Variants in ATP8A2 observed in about 807,000 individuals in gnomAD.
ATP8A2 encodes the protein phospholipid-transporting ATPase IB.
A neutral mutation model predicts 165.6 loss-of-function variants in ATP8A2; 100 were observed. The observed-to-expected ratio is 0.60, with a 90% confidence interval of 0.51 to 0.71. The LOEUF is 0.71. Among genes scored for constraint, ATP8A2 ranks in the 30% least tolerant of loss-of-function variants. The pLI is 0.00. For synonymous variants in ATP8A2, 543 were observed against 548.8 expected, an observed-to-expected ratio of 0.99 and a Z score of 0.15; for missense variants, 1,227 against 1,479.5, an observed-to-expected ratio of 0.83 and a Z score of 2.80.
At chr13:25,520,705 C>T (rs887377054) in intron 2 of ATP8A2, among the ~76,000 whole-genome samples, 6 of 151,414 alleles carry the variant, frequency 4.0e-5, no homozygotes, top group Non-Finnish European at 8.8e-5. Flanking sequence ...GGTTCCACAC[C>T]ATTCTCCTGC....
chr13:25,992,822 A>G (rs1387603919), intron 35 of ATP8A2, among the ~76,000 whole-genome samples: 223 of 151,404 alleles, frequency 1.5e-3, no homozygotes, highest in African/African-American at 5.1e-3. Context: ...ATATCTCCCA[A>G]TGCTATCCCT....
intron 1 of ATP8A2, among the ~76,000 whole-genome samples, chr13:25,401,660 G>A (rs1331847466): frequency 6.6e-6 from 1 of 152,020 alleles, no homozygotes; most frequent in Non-Finnish European, 1.5e-5. Flanking sequence ...AGTATTCATG[G>A]GGTGCACATT....
chr13:25,823,761 A>G (rs902878174), intron 27 of ATP8A2, among the ~76,000 whole-genome samples: 2 of 152,144 alleles, frequency 1.3e-5, no homozygotes, highest in African/African-American at 4.8e-5. Flanking sequence ...TTTGTTTCCT[A>G]GGATGAAGGA....
Position 25,589,707 on chromosome 13 carries a change from G to A in ATP8A2, c.2211+8G>A. ...AAGGAGGACTCTTTGGATGTAAGTA[G>A]TTTTTCAAAGTTGTATTTGCTTTGC... On this transcript the variant is annotated splice_region_variant and intron_variant, in intron 24 of 36. Transcript: ENST00000381655. 1 of 1,570,302 alleles carries A rather than the reference G, an allele frequency of 6.4e-7. No individual in the cohort carries two copies.
chr13:25,675,567 C>A lies in ATP8A2; in HGVS notation c.2212-23606C>A, dbSNP rs571779295. ...ATTTTGGGAAATGGGATAACACAACCTTTTCTTGTGAATATCTTTTGTTCT... is the reference window on the plus strand; with the variant it reads ...ATTTTGGGAAATGGGATAACACAACATTTTCTTGTGAATATCTTTTGTTCT... On this transcript the variant is annotated intron_variant, in intron 24 of 36. Transcript: ENST00000381655. 3.9e-5 allele frequency among the ~76,000 whole-genome samples: 6 copies of A among 152,226 alleles called. No homozygotes were observed. In the East Asian group the frequency reaches 1.2e-3, roughly 29 times the overall value.
At chr13:25,575,603 T>A (rs1167967151) in intron 19 of ATP8A2, among the ~76,000 whole-genome samples, 1 of 152,260 alleles carries the variant, frequency 6.6e-6, no homozygotes, top group East Asian at 1.9e-4. Context: ...CTTTATAAAC[T>A]ATTTTTAATA....
chr13:25,660,193 T>C (rs1352522756), intron 24 of ATP8A2, among the ~76,000 whole-genome samples: 1 of 152,210 alleles, frequency 6.6e-6, no homozygotes, highest in Non-Finnish European at 1.5e-5. Context: ...ACCAATTTTA[T>C]ATTTGAATGC....
chr13:25,505,021 C>T (rs530357406), intron 2 of ATP8A2, among the ~76,000 whole-genome samples: 1 of 152,178 alleles, frequency 6.6e-6, no homozygotes, highest in East Asian at 1.9e-4. Context: ...TGCTCTTACC[C>T]ATCTTCCTCT....
intron 25 of ATP8A2, among the ~76,000 whole-genome samples, chr13:25,704,297 A>G (rs986099761): frequency 3.2e-4 from 47 of 148,770 alleles, no homozygotes; most frequent in Non-Finnish European, 6.2e-4. Context: ...GTGGCCCCTC[A>G]CTTCAGCTCC....
At chr13:25,661,907 A>G (rs2042059050) in intron 24 of ATP8A2, among the ~76,000 whole-genome samples, 1 of 152,226 alleles carries the variant, frequency 6.6e-6, no homozygotes, top group Admixed American at 6.5e-5. Context: ...GAAATCATTC[A>G]TTTAGAGATG....
intron 27 of ATP8A2, among the ~76,000 whole-genome samples, chr13:25,821,133 T>C (rs1453380292): frequency 6.6e-6 from 1 of 152,206 alleles, no homozygotes; most frequent in East Asian, 1.9e-4. Context: ...ATCAAAAGTC[T>C]TTGAAGAAAC....
intron 2 of ATP8A2, chr13:25,517,119 A>G (rs1465322195): frequency 6.8e-6 from 1 of 147,358 alleles, no homozygotes; most frequent in Non-Finnish European, 1.5e-5. Flanking sequence ...GCACCTGGTC[A>G]TGCTCACTTT....
intron 35 of ATP8A2, among the ~76,000 whole-genome samples, chr13:25,996,549 GAGT>G (rs1184846765): frequency 1.4e-4 from 21 of 152,114 alleles, no homozygotes; most frequent in African/African-American, 5.1e-4. Context: ...TTTTGAGATG[GAGT>G]CTTACTCTGT....
chr13:25,536,230 G>A (rs1414516797), intron 6 of ATP8A2, among the ~76,000 whole-genome samples: 1 of 151,876 alleles, frequency 6.6e-6, no homozygotes, highest in Non-Finnish European at 1.5e-5. Flanking sequence ...TCCTGCCTCA[G>A]CCTCCCAAGT....
intron 1 of ATP8A2, among the ~76,000 whole-genome samples, chr13:25,447,545 A>G (rs2138222109): frequency 6.6e-6 from 1 of 152,334 alleles, no homozygotes. Flanking sequence ...TTTGGGCACC[A>G]GTAGGAACAA....
At chr13:25,419,390 G>A (rs1369346456) in intron 1 of ATP8A2, among the ~76,000 whole-genome samples, 2 of 152,116 alleles carry the variant, frequency 1.3e-5, no homozygotes, top group African/African-American at 4.8e-5. Flanking sequence ...TGTTAAAAAA[G>A]GCAGGTTAAT....
intron 24 of ATP8A2, among the ~76,000 whole-genome samples, chr13:25,676,715 CTG>C (rs1229326399): frequency 6.6e-6 from 1 of 152,114 alleles, no homozygotes; most frequent in African/African-American, 2.4e-5. Context: ...CTTCTGGAAA[CTG>C]TTTTTGTGTT....
chr13:25,797,734 A>G (rs938134298), intron 27 of ATP8A2, among the ~76,000 whole-genome samples: 9 of 152,194 alleles, frequency 5.9e-5, no homozygotes, highest in Non-Finnish European at 1.0e-4. Context: ...TAATGGGTGG[A>G]GTCTCCCAGG....
At chr13:25,489,271 T>C (rs2036447395) in intron 2 of ATP8A2, among the ~76,000 whole-genome samples, 1 of 152,120 alleles carries the variant, frequency 6.6e-6, no homozygotes, top group South Asian at 2.1e-4. Flanking sequence ...AGGCTCCTCT[T>C]CCTGTGTCTG....
Sources: gnomAD v4.1 joint callset for allele counts (sites outside exome capture counted in the v4.1 genomes callset) on GRCh38, gnomAD v4.1.1 for gene constraint, MANE v1.5 for transcripts, NCBI Gene and HGNC (gene_info 2026-07-23, HGNC 2026-07-21) for gene names.